Variants in FZD6 observed in about 807,000 individuals in gnomAD.
The protein encoded by FZD6 is frizzled class receptor 6, also known as frizzled-6.
Under a neutral mutation model 61.4 loss-of-function variants are expected in FZD6, and 49 were observed. The ratio of observed to expected loss-of-function variants is 0.80; its 90% CI spans 0.63 to 1.01. The LOEUF is 1.01. FZD6 is among the 50% of genes least tolerant of loss of function. FZD6 has a pLI of 0.00. For synonymous variants in FZD6, 265 were observed against 292.2 expected (o/e 0.91, Z 0.95); for missense variants, 724 against 848.2 (o/e 0.85, Z 1.82).
rs1398021482 is a variant in FZD6, at chr8:103,329,647, T to C, written c.1542-8T>C. Reference sequence around the variant, plus strand: ...TTGAGTAAATCCTCTCCTTCAATTTTCTTATAGTCCAATCAGTGAAAGTCG... The same window carrying C: ...TTGAGTAAATCCTCTCCTTCAATTTCCTTATAGTCCAATCAGTGAAAGTCG... On this transcript the variant is annotated splice_polypyrimidine_tract_variant and splice_region_variant and intron_variant, in intron 5 of 6. Transcript: ENST00000358755. 4 of 1,593,392 alleles carry C rather than the reference T, an allele frequency of 2.5e-6. No homozygotes were observed. In the African/African-American group the frequency reaches 5.4e-5, roughly 21 times the overall value.
chr8:103,329,013 T>TTATATAATATATATATATATATATA (rs1554623451), intron 5 of FZD6, among the ~76,000 whole-genome samples: 1 of 115,178 alleles, frequency 8.7e-6, no homozygotes, highest in Non-Finnish European at 1.8e-5. Flanking sequence ...CATTTTAGTT[T>TTATATAATATATATATATATATATA]TATATATATA....
chr8:103,330,107 C>T, intron 6 of FZD6, 42 bp downstream of exon 6: 15 of 1,471,432 alleles, frequency 1.0e-5, no homozygotes, highest in Non-Finnish European at 1.4e-5. Flanking sequence ...ATTTTAAATA[C>T]TGCATTACAC....
intron 2 of FZD6, among the ~76,000 whole-genome samples, chr8:103,302,043 T>A (rs1321772790): frequency 6.6e-6 from 1 of 152,066 alleles, no homozygotes; most frequent in Non-Finnish European, 1.5e-5. Flanking sequence ...TGAAGTTTTT[T>A]TTTTTGCTAT....
chr8:103,326,711 A>G (rs945200597), intron 4 of FZD6, among the ~76,000 whole-genome samples: 4 of 151,614 alleles, frequency 2.6e-5, no homozygotes, highest in Admixed American at 2.6e-4. Context: ...AAACAAACAA[A>G]CAATCCATAA....
chr8:103,322,916 C>T (rs1219418975), intron 3 of FZD6, among the ~76,000 whole-genome samples: 2 of 152,050 alleles, frequency 1.3e-5, no homozygotes, highest in Non-Finnish European at 2.9e-5. Flanking sequence ...GGGAAAAAAT[C>T]TAAAAGTCCA....
At chr8:103,320,601 T>A (rs201407580) in intron 3 of FZD6, among the ~76,000 whole-genome samples, 3,706 of 147,026 alleles carry the variant, frequency 0.025, 67 homozygotes, top group Middle Eastern at 0.039. Flanking sequence ...GTTTTTTTTT[T>A]AAAGGCATAA....
At chr8:103,301,667 A>T (rs1814175389) in intron 2 of FZD6, among the ~76,000 whole-genome samples, 1 of 152,084 alleles carries the variant, frequency 6.6e-6, no homozygotes, top group Non-Finnish European at 1.5e-5. Flanking sequence ...TCAGCATCCC[A>T]AAGTGCTAGG....
At position 103,303,417 on chromosome 8, in the gene FZD6, C is replaced by T. The variant is rs147000307; in HGVS notation, c.177+3133C>T. Among the ~76,000 whole-genome samples, 395 of 152,320 alleles carry T rather than the reference C, an allele frequency of 2.6e-3. 3 individuals carry two copies. The highest frequency in any genetic ancestry group is 9.1e-3 in the African/African-American group (378 of 41,568). ...CCTGAGCAAATTTAATCACCCCACT[C>T]TACACCCTTACAGTACTTATAATGT... On this transcript the variant is annotated intron_variant, in intron 2 of 6. Transcript: ENST00000358755.
intron 2 of FZD6, among the ~76,000 whole-genome samples, chr8:103,310,377 C>T (rs1814459610): frequency 1.3e-5 from 2 of 152,156 alleles, no homozygotes; most frequent in African/African-American, 2.4e-5. Context: ...TCAAGTGAAC[C>T]TCAGGCCTCA....
chr8:103,318,781 T>G lies in FZD6; in HGVS notation c.369T>G (p.Cys123Trp). 1.3e-6 allele frequency: 2 copies of G among 1,581,976 alleles called. No individual in the cohort carries two copies. Among genetic ancestry groups the G allele is most frequent in the Non-Finnish European group, 1.7e-6 (2 of 1,150,864 alleles). The stretch of plus-strand genomic sequence containing the variant: ...TCCGATGGCCTGAGGAGCTTGAATG[T>G]GACAGGTAAACAATGTTTTTCATGG... ...FGIRWPEELE[C>W]DRLQYCDETV... The change falls in exon 3 of 7, where the codon TGT (cysteine) becomes TGG (tryptophan). Residue 123 changes from cysteine (C) to tryptophan (W), a missense_variant. Physicochemically the swap from Cys to Trp is radical, Grantham distance 215. Coordinates refer to ENST00000358755, the MANE Select transcript of FZD6 (RefSeq NM_003506.4).
chr8:103,310,857 T>C (rs970732164), intron 2 of FZD6, among the ~76,000 whole-genome samples: 7 of 152,188 alleles, frequency 4.6e-5, no homozygotes, highest in African/African-American at 1.7e-4. Flanking sequence ...TTTCCATCTT[T>C]AAATACTAAC....
chr8:103,320,451 G>A (rs1814751719), intron 3 of FZD6, among the ~76,000 whole-genome samples: 1 of 151,530 alleles, frequency 6.6e-6, no homozygotes. Flanking sequence ...CAAAGATAAA[G>A]GTGCACTAAA....
chr8:103,330,728 A>G (rs1815096886), intron 6 of FZD6, among the ~76,000 whole-genome samples: 1 of 152,180 alleles, frequency 6.6e-6, no homozygotes, highest in Non-Finnish European at 1.5e-5. Context: ...CCAGTTTCTT[A>G]CATGGTACTG....
Position 103,324,504 on chromosome 8 carries a change from T to G in FZD6, c.398T>G (p.Val133Gly). 1.3e-6 allele frequency: 2 copies of G among 1,597,432 alleles called. No individual in the cohort carries two copies. The highest frequency in any genetic ancestry group is 1.1e-5 in the South Asian group (1 of 90,744). Residue 133 changes from valine to glycine, a missense_variant, in exon 4 of 7, where the codon GTT (valine) becomes GGT (glycine). Physicochemically the swap from Val to Gly is moderately radical, Grantham distance 109. Coordinates refer to ENST00000358755, the MANE Select transcript of FZD6 (RefSeq NM_003506.4). ...CDRLQYCDET[V>G]PVTFDPHTEF... ...AGATTACAATACTGTGATGAGACTGTTCCTGTAACTTTTGATCCACACACA... is the reference window on the plus strand; with the variant it reads ...AGATTACAATACTGTGATGAGACTGGTCCTGTAACTTTTGATCCACACACA...
chr8:103,300,062 G>T lies in FZD6; in HGVS notation c.-46G>T. The T allele has an allele frequency of 9.1e-7, 1 of 1,101,632 alleles. No homozygotes were observed. The highest frequency in any genetic ancestry group is 1.4e-6 in the Non-Finnish European group (1 of 712,524). 68.2% of individuals were successfully genotyped at this position (1,101,632 alleles called of 1,614,324 possible). On this transcript the variant is annotated 5_prime_UTR_variant, in exon 2 of 7. Transcript: ENST00000358755. ...GATGGGGATCTTCTGAGGATGCAAA[G>T]AGTGATTCATCCAAGCCATGTGGTA...
intron 2 of FZD6, among the ~76,000 whole-genome samples, chr8:103,317,926 T>C (rs988437035): frequency 2.6e-5 from 4 of 151,952 alleles, no homozygotes; most frequent in Admixed American, 2.6e-4. Flanking sequence ...TTTACTGAGA[T>C]GGAGAGTACT....
rs150581362 is a variant in FZD6, at chr8:103,325,291, T to C, written c.1185T>C (p.His395=). The change falls in exon 4 of 7, where the codon CAT becomes CAC. Residue 395 remains histidine (H), a synonymous_variant. Coordinates refer to ENST00000358755, the MANE Select transcript of FZD6 (RefSeq NM_003506.4). ...LLLAGIISLN[H]VRQVIQHDGR... The stretch of plus-strand genomic sequence containing the variant: ...TAGCTGGCATTATTTCCTTAAATCA[T>C]GTTCGACAAGTCATACAACATGATG... 245 of 1,614,060 alleles carry C rather than the reference T, an allele frequency of 1.5e-4. 1 individual carries two copies. The highest frequency in any genetic ancestry group is 1.9e-4 in the Non-Finnish European group (226 of 1,179,996).
At chr8:103,300,868 G>A (rs1313928493) in intron 2 of FZD6, among the ~76,000 whole-genome samples, 1 of 152,136 alleles carries the variant, frequency 6.6e-6, no homozygotes, top group Non-Finnish European at 1.5e-5. Flanking sequence ...GAGGAGTACA[G>A]TGACACTAAA....
intron 2 of FZD6, among the ~76,000 whole-genome samples, chr8:103,313,936 A>G (rs886858683): frequency 1.3e-5 from 2 of 152,222 alleles, no homozygotes; most frequent in Non-Finnish European, 2.9e-5. Flanking sequence ...CTATGCCCCC[A>G]TTTCCAAATA....
Sources: gnomAD v4.1 joint callset for allele counts (sites outside exome capture counted in the v4.1 genomes callset) on GRCh38, gnomAD v4.1.1 for gene constraint, MANE v1.5 for transcripts, NCBI Gene and HGNC (gene_info 2026-07-23, HGNC 2026-07-21) for gene names.